Variants in MYH11 observed in about 807,000 individuals in gnomAD.
MYH11 encodes the protein myosin-11.
A neutral mutation model predicts 246.6 loss-of-function variants in MYH11; 80 were observed. The observed-to-expected ratio is 0.32, with a 90% CI of 0.27 to 0.39. The LOEUF is 0.39. Ranked by LOEUF, MYH11 falls within the 10% of genes least tolerant of loss-of-function variation. The pLI, the probability that MYH11 is intolerant of heterozygous loss-of-function variation, is 1.00. For missense variants in MYH11, 2,158 were observed against 2,546.8 expected, an observed-to-expected ratio of 0.85 and a Z score of 3.29; for synonymous variants, 1,071 against 1,015.5, an observed-to-expected ratio of 1.05 and a Z score of -1.04.
intron 8 of MYH11, among the ~76,000 whole-genome samples, chr16:15,772,141 G>C (rs1412702355): frequency 6.8e-6 from 1 of 147,084 alleles, no homozygotes; most frequent in African/African-American, 2.5e-5. Flanking sequence ...GTCCAGGCAG[G>C]AGTGCAGTGG....
At chr16:15,766,217 C>T (rs945934141) in intron 9 of MYH11, among the ~76,000 whole-genome samples, 1 of 152,160 alleles carries the variant, frequency 6.6e-6, no homozygotes, top group African/African-American at 2.4e-5. Context: ...GCCACAAACC[C>T]ATCTGAAGGG....
chr16:15,803,089 A>C (rs1417648323), intron 3 of MYH11, among the ~76,000 whole-genome samples: 1 of 151,356 alleles, frequency 6.6e-6, no homozygotes, highest in Non-Finnish European at 1.5e-5. Context: ...GTGAGTTGAG[A>C]TTTTGCCACT....
chr16:15,815,146 T>C (rs982770657), intron 3 of MYH11, among the ~76,000 whole-genome samples: 1 of 152,186 alleles, frequency 6.6e-6, no homozygotes, highest in Non-Finnish European at 1.5e-5. Flanking sequence ...GCCCATCCTA[T>C]AAGCACTGAG....
intron 28 of MYH11, 52 bp downstream of exon 28, chr16:15,726,796 G>T (rs1035541605): frequency 8.7e-6 from 14 of 1,602,904 alleles, no homozygotes; most frequent in Non-Finnish European, 1.2e-5. Context: ...CCTCCCCACA[G>T]AACTGGGCAC....
At chr16:15,721,333 G>T in intron 32 of MYH11, 89 bp downstream of exon 32, 2 of 1,427,970 alleles carry the variant, frequency 1.4e-6, no homozygotes, top group Non-Finnish European at 9.8e-7. Flanking sequence ...TATGAAAAAG[G>T]CCAGGAGCTA....
At chr16:15,725,648 C>T (rs1225114085) in intron 28 of MYH11, 3 of 400,016 alleles carry the variant, frequency 7.5e-6, no homozygotes, top group Non-Finnish European at 1.3e-5. Context: ...GCGGCAAAAG[C>T]CCTGCTCTCA....
chr16:15,728,054 C>A (rs550554570), intron 27 of MYH11, among the ~76,000 whole-genome samples: 1 of 152,304 alleles, frequency 6.6e-6, no homozygotes, highest in African/African-American at 2.4e-5. Flanking sequence ...CATGGCGAAA[C>A]TGCATCTCTA....
chr16:15,850,276 T>C (rs2044297722), intron 1 of MYH11, among the ~76,000 whole-genome samples: 1 of 151,854 alleles, frequency 6.6e-6, no homozygotes, highest in African/African-American at 2.4e-5. Context: ...TACCAGCTAC[T>C]CAGGAGGCTG....
intron 3 of MYH11, among the ~76,000 whole-genome samples, chr16:15,804,715 T>C (rs982486328): frequency 7.2e-5 from 11 of 152,182 alleles, no homozygotes; most frequent in African/African-American, 2.2e-4. Flanking sequence ...TCTGTCTCTA[T>C]GGTCTTACCT....
intron 3 of MYH11, among the ~76,000 whole-genome samples, chr16:15,807,737 C>T (rs913450068): frequency 6.6e-6 from 1 of 152,158 alleles, no homozygotes; most frequent in African/African-American, 2.4e-5. Context: ...TGCCTCTCTC[C>T]CTTCCTCCTC....
Position 15,727,007 on chromosome 16 carries a change from G to A in MYH11, c.3699C>T (p.Asn1233=), listed in dbSNP as rs1403616968. 1.4e-5 allele frequency: 23 copies of A among 1,611,804 alleles called. No individual in the cohort carries two copies. In the Admixed American group the frequency reaches 2.8e-4, roughly 20 times the overall value. The change falls in exon 28 of 41, where the codon AAC becomes AAT. Residue 1233 remains asparagine (N), a synonymous_variant. Coordinates refer to ENST00000300036, the MANE Select transcript of MYH11 (RefSeq NM_002474.3). ...DKNKQTLEKE[N]ADLAGELRVL... is the part of the protein sequence containing the mutation. ...CCCGCAGCTCCCCGGCCAGGTCTGC[G>A]TTCTCTTTCTCCAGCGTCTGCTTAT...
chr16:15,848,500 C>T (rs1448227978), intron 1 of MYH11, among the ~76,000 whole-genome samples: 1 of 152,130 alleles, frequency 6.6e-6, no homozygotes, highest in Non-Finnish European at 1.5e-5. Flanking sequence ...CCCCAAAGTG[C>T]TGGGATTACA....
chr16:15,763,741 T>TGGGGGGCCCCCCCCCCC, intron 10 of MYH11, 55 bp downstream of exon 10: 3 of 646,844 alleles, frequency 4.6e-6, no homozygotes, highest in East Asian at 6.3e-5. Context: ...AAATGTCACC[T>TGGGGGGCCCCCCCCCCC]CCCCCACCCC....
chr16:15,718,206 A>G (rs2040268871), intron 37 of MYH11, 109 bp downstream of exon 37: 1 of 1,563,998 alleles, frequency 6.4e-7, no homozygotes, highest in East Asian at 2.2e-5. Context: ...CTTGTCCCTC[A>G]ATCCAGGGCC....
intron 8 of MYH11, among the ~76,000 whole-genome samples, chr16:15,773,565 T>A (rs763681640): frequency 6.6e-6 from 1 of 152,080 alleles, no homozygotes; most frequent in Non-Finnish European, 1.5e-5. Context: ...GGATTACAGG[T>A]GTGAGCCACC....
Position 15,715,234 on chromosome 16 carries a change from T to A in MYH11, c.5543A>T (p.Asp1848Val). Residue 1848 changes from aspartate to valine, a missense_variant, in exon 39 of 41, where the codon GAC becomes GTC. Transcript: ENST00000300036. ...CAGCAAGATTTCCTTCAGCTTCTTGTCTTTCTGCTTCAGCGACTTGGTGGC... is the reference window on the plus strand; with the variant it reads ...CAGCAAGATTTCCTTCAGCTTCTTGACTTTCTGCTTCAGCGACTTGGTGGC... Reference protein sequence around the residue: ...QAATKSLKQKDKKLKEILLQV... With the variant: ...QAATKSLKQKVKKLKEILLQV... 1 of 1,614,168 alleles carries A rather than the reference T, an allele frequency of 6.2e-7. No homozygotes were observed. Among genetic ancestry groups the A allele is most frequent in the Non-Finnish European group, 8.5e-7 (1 of 1,180,032 alleles).
intron 25 of MYH11, among the ~76,000 whole-genome samples, chr16:15,735,831 C>T (rs2041102274): frequency 6.6e-6 from 1 of 152,218 alleles, no homozygotes; most frequent in Admixed American, 6.5e-5. Flanking sequence ...CACGTGTGTG[C>T]ATGTGTGTGC....
intron 7 of MYH11, among the ~76,000 whole-genome samples, chr16:15,776,808 C>T (rs1443052245): frequency 1.3e-5 from 2 of 152,096 alleles, no homozygotes; most frequent in African/African-American, 2.4e-5. Context: ...AGAGCTTCTC[C>T]GCGATGCGGG....
chr16:15,708,068 T>A, intron 40 of MYH11, among the ~76,000 whole-genome samples: 1 of 151,504 alleles, frequency 6.6e-6, no homozygotes, highest in East Asian at 1.9e-4. Context: ...CACTCCCCAG[T>A]CCCTGAACAT....
Sources: allele counts gnomAD v4.1 joint callset (sites outside exome capture counted in the v4.1 genomes callset), GRCh38; gene constraint gnomAD v4.1.1; transcripts MANE v1.5; gene names NCBI Gene and HGNC (gene_info 2026-07-23, HGNC 2026-07-21).